GABRB3: variants seen among roughly 807,000 people sequenced by gnomAD.
GABRB3 encodes gamma-aminobutyric acid receptor subunit beta-3.
GABRB3 carries 14 observed loss-of-function variants against 52.1 expected under a neutral mutation model. The observed-to-expected ratio is 0.27, with a 90% CI of 0.18 to 0.42. GABRB3 has a LOEUF of 0.42. GABRB3 is among the 10% of genes least tolerant of loss of function. The probability of loss-of-function intolerance (pLI) is 1.00; values close to 1 mark genes in which losing one functional copy is unlikely to be tolerated. For missense variants in GABRB3, 307 were observed against 609.1 expected, an observed-to-expected ratio of 0.50 and a Z score of 5.22; for synonymous variants, 260 against 232.3, an observed-to-expected ratio of 1.12 and a Z score of -1.08.
chr15:26,600,003 T>G (rs914772590), intron 4 of GABRB3, among the ~76,000 whole-genome samples: 1 of 151,722 alleles, frequency 6.6e-6, no homozygotes, highest in South Asian at 2.1e-4. Flanking sequence ...ATATGAAAAA[T>G]AATACTCAAA....
At chr15:26,680,355 A>G (rs1404414535) in intron 3 of GABRB3, among the ~76,000 whole-genome samples, 2 of 151,866 alleles carry the variant, frequency 1.3e-5, no homozygotes, top group African/African-American at 4.8e-5. Flanking sequence ...GCACTTTATC[A>G]CTCTTGCTCC....
At chr15:26,568,737 G>C (rs1357025244) in intron 6 of GABRB3, among the ~76,000 whole-genome samples, 1 of 143,068 alleles carries the variant, frequency 7.0e-6, no homozygotes, top group African/African-American at 2.6e-5. Context: ...GACTGGTCTT[G>C]AACTCCCGAC....
intron 4 of GABRB3, among the ~76,000 whole-genome samples, chr15:26,586,704 A>AAAAAAAAAT (rs558336153): frequency 9.8e-6 from 1 of 102,252 alleles, no homozygotes; most frequent in African/African-American, 3.1e-5. Flanking sequence ...AAAAAAAAAA[A>AAAAAAAAAT]AGAGAGAGAG....
chr15:26,683,644 A>G (rs1213235554), intron 3 of GABRB3, among the ~76,000 whole-genome samples: 1 of 152,220 alleles, frequency 6.6e-6, no homozygotes, highest in East Asian at 1.9e-4. Flanking sequence ...GGAAGACAGG[A>G]GGAATCTCAA....
intron 3 of GABRB3, among the ~76,000 whole-genome samples, chr15:26,698,182 C>G (rs28407805): frequency 0.024 from 3,634 of 152,254 alleles, 139 homozygotes; most frequent in African/African-American, 0.083. Context: ...AGGAGGAAAG[C>G]GGACAGATGG....
chr15:26,575,843 A>G (rs528553602), intron 6 of GABRB3, among the ~76,000 whole-genome samples: 1 of 152,346 alleles, frequency 6.6e-6, no homozygotes, highest in East Asian at 1.9e-4. Flanking sequence ...TAAAGTCAGA[A>G]TATATCACTG....
At chr15:26,718,832 A>C (rs1243289238) in intron 3 of GABRB3, among the ~76,000 whole-genome samples, 2 of 151,954 alleles carry the variant, frequency 1.3e-5, no homozygotes, top group Admixed American at 6.6e-5. Context: ...ACACTGCTGA[A>C]GTGTGGCCCT....
At chr15:26,622,647 C>T (rs1024721705) in intron 3 of GABRB3, among the ~76,000 whole-genome samples, 2 of 152,206 alleles carry the variant, frequency 1.3e-5, no homozygotes, top group Non-Finnish European at 2.9e-5. Flanking sequence ...CCAGTCTCGA[C>T]ACAGGCCTCC....
At chr15:26,573,050 T>C (rs1228550695) in intron 6 of GABRB3, among the ~76,000 whole-genome samples, 1 of 152,168 alleles carries the variant, frequency 6.6e-6, no homozygotes, top group Non-Finnish European at 1.5e-5. Flanking sequence ...CATGCCAGCT[T>C]TGTAGAGTGC....
intron 3 of GABRB3, among the ~76,000 whole-genome samples, chr15:26,687,609 T>C (rs903927021): frequency 8.5e-5 from 13 of 152,190 alleles, no homozygotes; most frequent in African/African-American, 2.9e-4. Flanking sequence ...CTCAGAATGA[T>C]GAAAAATAGT....
At chr15:26,575,507 A>C (rs1890564192) in intron 6 of GABRB3, among the ~76,000 whole-genome samples, 1 of 152,212 alleles carries the variant, frequency 6.6e-6, no homozygotes, top group Admixed American at 6.5e-5. Context: ...TGTTTCATCT[A>C]TCTTTTCTAT....
At chr15:26,655,788 A>T (rs1669496751) in intron 3 of GABRB3, among the ~76,000 whole-genome samples, 1 of 151,324 alleles carries the variant, frequency 6.6e-6, no homozygotes. Context: ...GTGTACTTGT[A>T]CCTGTTGGTG....
intron 3 of GABRB3, among the ~76,000 whole-genome samples, chr15:26,751,012 G>A (rs767932451): frequency 3.3e-5 from 5 of 151,986 alleles, no homozygotes; most frequent in Admixed American, 6.6e-5. Flanking sequence ...CTAAAATTAT[G>A]TATTATAAAA....
intron 3 of GABRB3, among the ~76,000 whole-genome samples, chr15:26,731,209 T>C (rs888429464): frequency 5.9e-5 from 9 of 152,148 alleles, no homozygotes; most frequent in African/African-American, 1.2e-4. Flanking sequence ...TTAAATAAAA[T>C]AATGAAAGAA....
chr15:26,690,127 A>C (rs1888541832), intron 3 of GABRB3, among the ~76,000 whole-genome samples: 1 of 51,768 alleles, frequency 1.9e-5, no homozygotes, highest in Non-Finnish European at 5.7e-5. Context: ...TTTTTGAGAC[A>C]AGGTCTCACT....
chr15:26,554,679 G>A (rs1009717600), intron 8 of GABRB3, among the ~76,000 whole-genome samples: 1 of 152,172 alleles, frequency 6.6e-6, no homozygotes, highest in African/African-American at 2.4e-5. Flanking sequence ...CCACGTCCGC[G>A]TCATGGGTGT....
chr15:26,718,525 A>C (rs1163650422), intron 3 of GABRB3, among the ~76,000 whole-genome samples: 3 of 152,186 alleles, frequency 2.0e-5, no homozygotes, highest in Non-Finnish European at 4.4e-5. Flanking sequence ...GCTTATTTCT[A>C]TTAATACTTA....
chr15:26,642,550 G>T, intron 3 of GABRB3: 1 of 1,236,040 alleles, frequency 8.1e-7, no homozygotes, highest in Non-Finnish European at 1.1e-6. Context: ...TGAGAAACAT[G>T]AAGGACACTT....
At position 26,547,764 on chromosome 15, in the gene GABRB3, G is replaced by C; in HGVS notation, c.*29C>G. On this transcript the variant is annotated 3_prime_UTR_variant, in exon 9 of 9. Coordinates refer to ENST00000311550, the MANE Select transcript of GABRB3 (RefSeq NM_000814.6). ...AGTAATATTTCACTCAGTGTTAAAT[G>C]AAGTCTTTGAAAAATCAAGTACAGT... is the stretch of plus-strand genomic sequence containing the variant. The C allele has an allele frequency of 6.4e-7, 1 of 1,572,010 alleles. No individual in the cohort carries two copies. Among genetic ancestry groups the C allele is most frequent in the Non-Finnish European group, 8.8e-7 (1 of 1,142,238 alleles).
Sources: allele counts gnomAD v4.1 joint callset (sites outside exome capture counted in the v4.1 genomes callset), GRCh38; gene constraint gnomAD v4.1.1; transcripts MANE v1.5; gene names NCBI Gene and HGNC (gene_info 2026-07-23, HGNC 2026-07-21).